GRB10: variants seen among roughly 807,000 people sequenced by gnomAD.
GRB10 encodes growth factor receptor-bound protein 10.
In GRB10, 20 loss-of-function variants were observed where a neutral mutation model predicts 80.9. The observed-to-expected ratio is 0.25, with a 90% CI of 0.17 to 0.36. GRB10 has a LOEUF of 0.36. GRB10 is among the 10% of genes least tolerant of loss of function. GRB10 has a pLI of 1.00. For missense variants in GRB10, 548 were observed against 747.7 expected, an observed-to-expected ratio of 0.73 and a Z score of 3.12; for synonymous variants, 291 against 291.5, an observed-to-expected ratio of 1.00 and a Z score of 0.02.
At chr7:50,710,762 G>T in intron 4 of GRB10, 1 of 1,177,646 alleles carries the variant, frequency 8.5e-7, no homozygotes, top group Non-Finnish European at 1.3e-6. Flanking sequence ...ACCTTCCTGA[G>T]GCAGAACGAC....
chr7:50,743,709 C>A (rs1185085966), intron 3 of GRB10, among the ~76,000 whole-genome samples: 7 of 152,214 alleles, frequency 4.6e-5, no homozygotes, highest in Admixed American at 1.3e-4. Flanking sequence ...TCAGGAGAAC[C>A]AGGAGAGGCC....
chr7:50,738,968 T>C (rs2071273703), intron 3 of GRB10, among the ~76,000 whole-genome samples: 1 of 152,052 alleles, frequency 6.6e-6, no homozygotes, highest in Non-Finnish European at 1.5e-5. Flanking sequence ...AAATAATATA[T>C]TAAAATTTGT....
intron 5 of GRB10, among the ~76,000 whole-genome samples, chr7:50,692,289 T>TAC (rs10658980): frequency 0.065 from 9,752 of 150,606 alleles, 994 homozygotes; most frequent in African/African-American, 0.22. Flanking sequence ...GACAACTGTG[T>TAC]ACACACACAC....
chr7:50,792,513 G>A (rs557238897), intron 1 of GRB10: 78 of 398,574 alleles, frequency 2.0e-4, no homozygotes, highest in Non-Finnish European at 3.1e-4. Context: ...CAGCAAAGGC[G>A]AAGAGTTGCA....
chr7:50,602,209 A>G (rs1409055924), intron 17 of GRB10, among the ~76,000 whole-genome samples: 1 of 152,240 alleles, frequency 6.6e-6, no homozygotes, highest in Non-Finnish European at 1.5e-5. Context: ...TTCAGCTCAT[A>G]TAGGAAGGAA....
At chr7:50,742,483 T>C (rs1426717555) in intron 3 of GRB10, among the ~76,000 whole-genome samples, 1 of 152,182 alleles carries the variant, frequency 6.6e-6, no homozygotes, top group Non-Finnish European at 1.5e-5. Flanking sequence ...TCCCCGGACA[T>C]ACAGCATGGG....
chr7:50,616,922 T>C (rs1380291767), intron 10 of GRB10, among the ~76,000 whole-genome samples: 3 of 152,220 alleles, frequency 2.0e-5, no homozygotes, highest in Admixed American at 6.5e-5. Flanking sequence ...GGCCAGGTCA[T>C]GGAGCGAAGT....
chr7:50,646,700 G>A (rs1472148715), intron 7 of GRB10, among the ~76,000 whole-genome samples: 1 of 152,100 alleles, frequency 6.6e-6, no homozygotes, highest in Non-Finnish European at 1.5e-5. Flanking sequence ...GATGAGTGGG[G>A]GTAGAGTGGG....
chr7:50,630,844 C>A (rs1431581003), intron 7 of GRB10, among the ~76,000 whole-genome samples: 1 of 152,176 alleles, frequency 6.6e-6, no homozygotes, highest in Non-Finnish European at 1.5e-5. Context: ...GGCACTGAAT[C>A]CCGTTATAAA....
intron 2 of GRB10, among the ~76,000 whole-genome samples, chr7:50,777,194 C>T (rs1482080541): frequency 6.6e-6 from 1 of 152,144 alleles, no homozygotes; most frequent in Non-Finnish European, 1.5e-5. Context: ...CAAGATGGTG[C>T]CTTGTTGCCA....
chr7:50,728,441 A>G (rs2069032911), intron 4 of GRB10, among the ~76,000 whole-genome samples: 1 of 152,194 alleles, frequency 6.6e-6, no homozygotes, highest in African/African-American at 2.4e-5. Flanking sequence ...GTATGTGATC[A>G]GCAGATGAAG....
intron 5 of GRB10, among the ~76,000 whole-genome samples, chr7:50,676,572 T>C (rs552285580): frequency 6.6e-6 from 1 of 152,142 alleles, no homozygotes. Flanking sequence ...GCATCCCTCA[T>C]TCTCTCCTAC....
chr7:50,684,509 A>C (rs899996444), intron 5 of GRB10, among the ~76,000 whole-genome samples: 2 of 152,302 alleles, frequency 1.3e-5, no homozygotes, highest in South Asian at 2.1e-4. Context: ...CACTGCTGCA[A>C]GGAAGCACCT....
At chr7:50,760,070 G>C (rs1326775470) in intron 2 of GRB10, among the ~76,000 whole-genome samples, 1 of 152,198 alleles carries the variant, frequency 6.6e-6, no homozygotes, top group African/African-American at 2.4e-5. Context: ...GCACAAAGAT[G>C]GGTTAGCCAG....
At chr7:50,730,471 T>A (rs948549565) in intron 4 of GRB10, among the ~76,000 whole-genome samples, 1 of 152,244 alleles carries the variant, frequency 6.6e-6, no homozygotes, top group Non-Finnish European at 1.5e-5. Context: ...AATCATCCCA[T>A]ATTCTGAGAA....
At chr7:50,757,306 T>A (rs919088684) in intron 2 of GRB10, among the ~76,000 whole-genome samples, 4 of 152,238 alleles carry the variant, frequency 2.6e-5, no homozygotes, top group African/African-American at 9.6e-5. Flanking sequence ...TAGGATTAAA[T>A]GAGCTAATGC....
chr7:50,679,635 C>G (rs1344896677), intron 5 of GRB10, among the ~76,000 whole-genome samples: 3 of 152,212 alleles, frequency 2.0e-5, no homozygotes, highest in Non-Finnish European at 2.9e-5. Flanking sequence ...TTCTCCACTA[C>G]CCCCTTCCCC....
chr7:50,701,560 G>C (rs2064229373), intron 5 of GRB10, among the ~76,000 whole-genome samples: 1 of 152,096 alleles, frequency 6.6e-6, no homozygotes, highest in African/African-American at 2.4e-5. Context: ...CTCCGGCCTG[G>C]GTGAGAGAGC....
intron 1 of GRB10, among the ~76,000 whole-genome samples, chr7:50,790,823 T>C (rs981573777): frequency 3.3e-5 from 5 of 152,216 alleles, no homozygotes; most frequent in African/African-American, 9.6e-5. Context: ...GAAGGCACAA[T>C]AGATGACTGT....
Sources: allele counts gnomAD v4.1 joint callset (sites outside exome capture counted in the v4.1 genomes callset), GRCh38; gene constraint gnomAD v4.1.1; transcripts MANE v1.5; gene names NCBI Gene and HGNC (gene_info 2026-07-23, HGNC 2026-07-21).